Variants in AKR1E2 observed in about 807,000 individuals in gnomAD.
AKR1E2 encodes the protein 1,5-anhydro-D-fructose reductase.
Under a neutral mutation model 41.9 loss-of-function variants are expected in AKR1E2, and 43 were observed. The observed-to-expected ratio is 1.03, with a 90% CI of 0.80 to 1.32. The LOEUF is 1.32. Ranked by LOEUF, AKR1E2 falls within the 40% of genes most tolerant of loss-of-function variation. The pLI is 0.00. For synonymous variants in AKR1E2, 121 were observed against 138.9 expected (o/e 0.87, Z 0.91); for missense variants, 423 against 396.5 (o/e 1.07, Z -0.57).
At chr10:4,848,230 G>GT (rs1288037197), downstream of AKR1E2, among the ~76,000 whole-genome samples, 1 of 152,142 alleles carries the variant, frequency 6.6e-6, no homozygotes, top group African/African-American at 2.4e-5. Flanking sequence ...CTAAATACTA[G>GT]TTTTTAATAC....
chr10:4,841,228 G>A (rs1490428986), intron 6 of AKR1E2, among the ~76,000 whole-genome samples: 2 of 152,268 alleles, frequency 1.3e-5, no homozygotes, highest in East Asian at 3.9e-4. Context: ...TGATGGCTCA[G>A]TACACACTCG....
the AKR1E2 span, among the ~76,000 whole-genome samples, chr10:4,860,393 C>A: frequency 3.3e-5 from 5 of 152,136 alleles, no homozygotes; most frequent in African/African-American, 1.2e-4. Flanking sequence ...GAAGCTGAAT[C>A]TATGTGGCAA....
chr10:4,849,029 T>C (rs2924264), downstream of AKR1E2, among the ~76,000 whole-genome samples: 36,373 of 152,140 alleles, frequency 0.24, 4,606 homozygotes, highest in Middle Eastern at 0.37. Context: ...TGTGCAGGGA[T>C]GTGTAGAAAC....
At chr10:4,848,710 TG>T (rs1203183472), downstream of AKR1E2, among the ~76,000 whole-genome samples, 2 of 152,160 alleles carry the variant, frequency 1.3e-5, no homozygotes, top group Non-Finnish European at 2.9e-5. Flanking sequence ...GGGGACTGTT[TG>T]GGGACAGTTC....
chr10:4,859,832 G>C, the AKR1E2 span, among the ~76,000 whole-genome samples: 1 of 152,174 alleles, frequency 6.6e-6, no homozygotes, highest in African/African-American at 2.4e-5. Flanking sequence ...GTGGCTCTGT[G>C]TAAGATCAGA....
At chr10:4,864,141 T>G in the AKR1E2 span, among the ~76,000 whole-genome samples, 4 of 152,128 alleles carry the variant, frequency 2.6e-5, no homozygotes, top group African/African-American at 7.2e-5. Flanking sequence ...TACCAAAGCC[T>G]GGCAGAGACA....
intron 8 of AKR1E2, chr10:4,846,124 G>T: frequency 3.3e-6 from 1 of 303,174 alleles, no homozygotes; most frequent in Non-Finnish European, 6.6e-6. Flanking sequence ...GCCTACCCCG[G>T]CCCCAGCACT....
chr10:4,835,923 G>A, intron 4 of AKR1E2, 114 bp downstream of exon 4: 2 of 1,423,034 alleles, frequency 1.4e-6, no homozygotes, highest in Admixed American at 2.2e-5. Context: ...CCTGAGATGT[G>A]GGGTTTGTGG....
chr10:4,826,439 G>C (rs1832511677), intron 1 of AKR1E2, 76 bp downstream of exon 1: 1 of 1,197,494 alleles, frequency 8.4e-7, no homozygotes, highest in African/African-American at 1.6e-5. Flanking sequence ...TGGGACCCAG[G>C]CCGGGGCTGG....
chr10:4,834,462 C>G (rs904350271), intron 3 of AKR1E2, among the ~76,000 whole-genome samples: 3 of 152,176 alleles, frequency 2.0e-5, no homozygotes, highest in African/African-American at 2.4e-5. Flanking sequence ...TCATTGCATG[C>G]AGAAAATCAT....
chr10:4,837,168 G>T (rs1310628154), intron 4 of AKR1E2, among the ~76,000 whole-genome samples: 1 of 152,202 alleles, frequency 6.6e-6, no homozygotes, highest in African/African-American at 2.4e-5. Context: ...CACTTCCTGT[G>T]ATTCCACATA....
Position 4,846,651 on chromosome 10 carries a change from T to C in AKR1E2, c.838-497T>C, listed in dbSNP as rs555502238. Among the ~76,000 whole-genome samples, 5 of 151,870 alleles carry C rather than the reference T, an allele frequency of 3.3e-5. No individual in the cohort carries two copies. The South Asian group carries it at 1.0e-3, about 32-fold the overall frequency. On this transcript the variant is annotated intron_variant, in intron 8 of 9. Transcript: ENST00000298375. Reference sequence around the variant, plus strand: ...ACCTCCACCTCCTGGGTTCAAGCGGTTCTCCTGCCTCAGCCTCCTGAATAG... The same window carrying C: ...ACCTCCACCTCCTGGGTTCAAGCGGCTCTCCTGCCTCAGCCTCCTGAATAG...
At chr10:4,862,872 A>G in the AKR1E2 span, among the ~76,000 whole-genome samples, 1 of 150,752 alleles carries the variant, frequency 6.6e-6, no homozygotes, top group Non-Finnish European at 1.5e-5. Flanking sequence ...AAAGAAGGCC[A>G]TTACATAATG....
chr10:4,845,850 G>T (rs1488169997), intron 8 of AKR1E2: 1 of 470,760 alleles, frequency 2.1e-6, no homozygotes, highest in Admixed American at 2.3e-5. Flanking sequence ...AGACCTGAGG[G>T]CCAAAGCCGA....
At chr10:4,838,827 G>A (rs943093294) in intron 5 of AKR1E2, among the ~76,000 whole-genome samples, 1 of 152,140 alleles carries the variant, frequency 6.6e-6, no homozygotes, top group African/African-American at 2.4e-5. Flanking sequence ...ATTTTTAGTT[G>A]TTCAGCACTT....
chr10:4,825,484 G>A (rs1451436417), upstream of AKR1E2, among the ~76,000 whole-genome samples: 3 of 152,088 alleles, frequency 2.0e-5, no homozygotes, highest in East Asian at 5.8e-4. Context: ...ACTTCCAAAC[G>A]GGGGCCCGAG....
intron 1 of AKR1E2, among the ~76,000 whole-genome samples, chr10:4,827,691 G>A (rs1370867069): frequency 6.6e-6 from 1 of 152,110 alleles, no homozygotes. Flanking sequence ...GAATGTTCAA[G>A]GCCTGCTCAT....
At chr10:4,862,071 A>G in the AKR1E2 span, among the ~76,000 whole-genome samples, 1 of 152,182 alleles carries the variant, frequency 6.6e-6, no homozygotes, top group Non-Finnish European at 1.5e-5. Flanking sequence ...TAGGTCTAAC[A>G]TTTAAGTCTT....
chr10:4,866,477 G>A, the AKR1E2 span, among the ~76,000 whole-genome samples: 14 of 152,112 alleles, frequency 9.2e-5, no homozygotes, highest in Non-Finnish European at 2.1e-4. Flanking sequence ...GCTGCCCAAG[G>A]GGTTCACCTT....
Sources: allele counts gnomAD v4.1 joint callset (sites outside exome capture counted in the v4.1 genomes callset), GRCh38; gene constraint gnomAD v4.1.1; transcripts MANE v1.5; gene names NCBI Gene and HGNC (gene_info 2026-07-23, HGNC 2026-07-21).